DMD: variants seen among roughly 807,000 people sequenced by gnomAD.
DMD encodes mutant dystrophin.
A neutral mutation model predicts 330.1 loss-of-function variants in DMD; 63 were observed. That is an observed-to-expected ratio of 0.19 (90% CI 0.16 to 0.24). The LOEUF (loss-of-function observed/expected upper bound fraction) is 0.24, where lower values mean the gene tolerates loss of function less well. Ranked by LOEUF, DMD falls within the 10% of genes least tolerant of loss-of-function variation. DMD has a pLI of 1.00. For missense variants in DMD, 3,344 were observed against 2,684.1 expected, an observed-to-expected ratio of 1.25 and a Z score of -5.43; for synonymous variants, 1,223 against 959.8, an observed-to-expected ratio of 1.27 and a Z score of -5.07.
At chrX:31,731,654 A>G (rs2086511468) in intron 51 of DMD, among the ~76,000 whole-genome samples, 1 of 111,655 alleles carries the variant, frequency 9.0e-6, no homozygotes, top group African/African-American at 3.2e-5. Context: ...GCAGTGGACA[A>G]ATATATTCGG....
intron 71 of DMD, 118 bp from the exon 72 acceptor site, chrX:31,173,722 T>A: frequency 1.9e-6 from 1 of 533,942 alleles, no homozygotes; most frequent in Non-Finnish European, 3.0e-6. Context: ...CTATGGATAA[T>A]GTATACATTT....
intron 44 of DMD, among the ~76,000 whole-genome samples, chrX:32,052,369 T>C (rs1442667898): frequency 9.0e-6 from 1 of 111,284 alleles, no homozygotes; most frequent in African/African-American, 3.3e-5. Flanking sequence ...GTATAGTTTC[T>C]TTCCTGTTTC....
At chrX:32,499,147 C>T (rs1007828003) in intron 19 of DMD, among the ~76,000 whole-genome samples, 1 of 111,485 alleles carries the variant, frequency 9.0e-6, no homozygotes, top group African/African-American at 3.2e-5. Context: ...ATTCTAAAAG[C>T]AAACTGATGA....
chrX:32,021,949 G>A (rs1486839604), intron 44 of DMD, among the ~76,000 whole-genome samples: 1 of 111,491 alleles, frequency 9.0e-6, no homozygotes, highest in Admixed American at 9.5e-5. Context: ...TAAAATCCAG[G>A]TTTTCACCCT....
At chrX:32,731,265 C>T (rs2067596657) in intron 7 of DMD, among the ~76,000 whole-genome samples, 1 of 112,313 alleles carries the variant, frequency 8.9e-6, no homozygotes, top group South Asian at 3.7e-4. Flanking sequence ...GGTCCTACCC[C>T]AACGGAATCT....
chrX:31,236,751 C>A (rs1416295951), intron 63 of DMD, among the ~76,000 whole-genome samples: 1 of 111,913 alleles, frequency 8.9e-6, no homozygotes, highest in African/African-American at 3.2e-5. Context: ...ACTAGTTTTT[C>A]ATTAACTCTT....
intron 60 of DMD, among the ~76,000 whole-genome samples, chrX:31,420,155 T>G (rs776058467): frequency 1.5e-3 from 171 of 112,654 alleles, no homozygotes; most frequent in African/African-American, 5.2e-3. Context: ...GCTTAATTTC[T>G]TTATGCTGCC....
At chrX:32,495,435 T>C (rs5972585) in intron 19 of DMD, among the ~76,000 whole-genome samples, 16,081 of 111,324 alleles carry the variant, frequency 0.14, 2,034 homozygotes, top group African/African-American at 0.4. Flanking sequence ...ATCTCTCTTG[T>C]ATCAAATTTG....
intron 18 of DMD, among the ~76,000 whole-genome samples, chrX:32,512,170 A>G (rs1321166706): frequency 8.9e-6 from 1 of 112,359 alleles, no homozygotes; most frequent in Non-Finnish European, 1.9e-5. Context: ...AAATTCCTCA[A>G]TAAGTTGATT....
At chrX:32,735,710 C>T (rs1299177935) in intron 7 of DMD, among the ~76,000 whole-genome samples, 1 of 111,879 alleles carries the variant, frequency 8.9e-6, no homozygotes, top group Non-Finnish European at 1.9e-5. Context: ...ACTGGCTAGC[C>T]ATATGTAGAA....
At chrX:32,030,682 A>G (rs747495673) in intron 44 of DMD, among the ~76,000 whole-genome samples, 2 of 111,749 alleles carry the variant, frequency 1.8e-5, no homozygotes, top group Non-Finnish European at 3.8e-5. Context: ...GAGCTGTCTT[A>G]TTTATAAATT....
chrX:32,131,756 C>T (rs954747267), intron 44 of DMD, among the ~76,000 whole-genome samples: 3 of 111,959 alleles, frequency 2.7e-5, no homozygotes, highest in African/African-American at 3.2e-5. Flanking sequence ...CTAGGTATTA[C>T]GTATTCAGTG....
At chrX:32,058,610 T>G (rs2096199428) in intron 44 of DMD, among the ~76,000 whole-genome samples, 1 of 100,707 alleles carries the variant, frequency 9.9e-6, no homozygotes, top group African/African-American at 3.6e-5. Context: ...CATGTGTTGG[T>G]GAAGGTGTAG....
At chrX:32,116,301 A>G (rs990866370) in intron 44 of DMD, among the ~76,000 whole-genome samples, 1 of 112,046 alleles carries the variant, frequency 8.9e-6, no homozygotes, top group Admixed American at 9.5e-5. Context: ...AAACAAGTCC[A>G]CCTTCAATAT....
intron 9 of DMD, among the ~76,000 whole-genome samples, chrX:32,655,865 G>C (rs2060529362): frequency 9.0e-6 from 1 of 111,567 alleles, no homozygotes; most frequent in African/African-American, 3.3e-5. Context: ...AGCTCTTCTT[G>C]TTGAATTGAT....
chrX:31,458,824 C>T lies in DMD; in HGVS notation c.8938-14197G>A, dbSNP rs551255887. On this transcript the variant is annotated intron_variant, in intron 59 of 78. Coordinates refer to ENST00000357033, the MANE Select transcript of DMD (RefSeq NM_004006.3). ...CCCTCTTGCATACAACAATCAACCC[C>T]AAACCCTAGGCAGTTTTATAGGAGA... is the stretch of plus-strand genomic sequence containing the variant. 4.5e-5 allele frequency among the ~76,000 whole-genome samples: 5 copies of T among 110,268 alleles called. No individual in the cohort carries two copies. The East Asian group carries it at 1.4e-3, about 31-fold the overall frequency.
chrX:32,729,183 G>T (rs1454557388), intron 7 of DMD, among the ~76,000 whole-genome samples: 1 of 111,764 alleles, frequency 8.9e-6, no homozygotes, highest in African/African-American at 3.3e-5. Context: ...AATCCTTATT[G>T]AATCATTTCG....
intron 17 of DMD, among the ~76,000 whole-genome samples, chrX:32,531,615 A>G (rs1195527268): frequency 8.0e-5 from 9 of 111,900 alleles, no homozygotes; most frequent in Middle Eastern, 4.6e-3. Flanking sequence ...CAGATTGATC[A>G]TGAATAGAAA....
chrX:32,535,321 A>C (rs1363389218), intron 17 of DMD, among the ~76,000 whole-genome samples: 1 of 111,963 alleles, frequency 8.9e-6, no homozygotes, highest in Non-Finnish European at 1.9e-5. Flanking sequence ...AGAGGGATAT[A>C]CATTTCCCAA....
Sources: allele counts gnomAD v4.1 joint callset (sites outside exome capture counted in the v4.1 genomes callset), GRCh38; gene constraint gnomAD v4.1.1; transcripts MANE v1.5; gene names NCBI Gene and HGNC (gene_info 2026-07-23, HGNC 2026-07-21).